The following WDR62 variants were observed in gnomAD, a reference collection of about 807,000 sequenced individuals.
WDR62 encodes WD repeat domain 62.
Under a neutral mutation model 160.6 loss-of-function variants are expected in WDR62, and 112 were observed. The observed-to-expected ratio is 0.70, with a 90% CI of 0.60 to 0.82. WDR62 has a LOEUF of 0.82. Among genes scored for constraint, WDR62 ranks in the 40% least tolerant of loss-of-function variants. The pLI, the probability that WDR62 is intolerant of heterozygous loss-of-function variation, is 0.00. For synonymous variants in WDR62, 792 were observed against 815.1 expected, an observed-to-expected ratio of 0.97 and a Z score of 0.48; for missense variants, 1,819 against 1,983.8, an observed-to-expected ratio of 0.92 and a Z score of 1.58.
chr19:36,111,136 C>A, the WDR62 span: 1 of 1,330,212 alleles, frequency 7.5e-7, no homozygotes, highest in South Asian at 1.4e-5. Flanking sequence ...CAGGGATAGT[C>A]ATCCTGGGGC....
In WDR62 at chr19:36,059,995, G is replaced by A; in HGVS notation, c.297G>A (p.Lys99=). 1 of 1,614,214 alleles carries A rather than the reference G, an allele frequency of 6.2e-7. No individual in the cohort carries two copies. The highest frequency in any genetic ancestry group is 8.5e-7 in the Non-Finnish European group (1 of 1,180,040). Residue 99 remains lysine, a synonymous_variant, in exon 3 of 32, where the codon AAG becomes AAA. Coordinates refer to ENST00000401500, the MANE Select transcript of WDR62 (RefSeq NM_001083961.2). ...GTGTGGTGGTGATTTTGGACCCCAA[G>A]GAGAACAAGCAGCAGCACATCTTTA... ...AGCVVVILDP[K]ENKQQHIFNT...
intron 23 of WDR62, 69 bp downstream of exon 23, chr19:36,100,944 A>T: frequency 6.2e-7 from 1 of 1,610,426 alleles, no homozygotes. Context: ...ATCCTGGAAG[A>T]AGTGCTCTCT....
Position 36,101,287 on chromosome 19 carries a change from G to A in WDR62, c.2941G>A (p.Asp981Asn), listed in dbSNP as rs200503894. 21 of 1,612,268 alleles carry A rather than the reference G, an allele frequency of 1.3e-5. No homozygotes were observed. Among genetic ancestry groups the A allele is most frequent in the African/African-American group, 9.3e-5 (7 of 75,036 alleles). Residue 981 changes from aspartate to asparagine, a missense_variant, in exon 24 of 32, where the codon GAC (aspartate) becomes AAC (asparagine). Physicochemically the swap from Asp to Asn is conservative, Grantham distance 23 (BLOSUM62 1). Coordinates refer to ENST00000401500, the MANE Select transcript of WDR62 (RefSeq NM_001083961.2). ...CGACTCCTACCTCAGGGTGTCCTCCGACAGCCCAAAGGACCAGAGCCCGCC... is the reference window on the plus strand; with the variant it reads ...CGACTCCTACCTCAGGGTGTCCTCCAACAGCCCAAAGGACCAGAGCCCGCC... Reference protein sequence around the residue: ...QGDSYLRVSSDSPKDQSPPED... With the variant: ...QGDSYLRVSSNSPKDQSPPED...
chr19:36,065,789 G>A (rs1371320091), intron 3 of WDR62, among the ~76,000 whole-genome samples, 169 bp from the exon 4 acceptor site: 1 of 152,202 alleles, frequency 6.6e-6, no homozygotes, highest in South Asian at 2.1e-4. Context: ...GTGCTTTGCT[G>A]GGCACACCAG....
chr19:36,078,154 T>G (rs574995303), intron 9 of WDR62, among the ~76,000 whole-genome samples: 49 of 149,890 alleles, frequency 3.3e-4, no homozygotes, highest in Non-Finnish European at 5.8e-4. Flanking sequence ...GTTTTTTTGT[T>G]TTTTTTTTTT....
downstream of WDR62, among the ~76,000 whole-genome samples, chr19:36,107,272 C>T (rs1392280139): frequency 6.6e-6 from 1 of 152,144 alleles, no homozygotes; most frequent in East Asian, 1.9e-4. Flanking sequence ...AGCAGCACAC[C>T]CTCAGGTGGT....
At chr19:36,055,697 G>T (rs1970326570) in intron 1 of WDR62, among the ~76,000 whole-genome samples, 1 of 152,214 alleles carries the variant, frequency 6.6e-6, no homozygotes, top group South Asian at 2.1e-4. Context: ...TAAAATCTCT[G>T]CAGTGCTGCC....
intron 7 of WDR62, 37 bp downstream of exon 7, chr19:36,068,047 C>CT: frequency 6.3e-7 from 1 of 1,596,218 alleles, no homozygotes; most frequent in Non-Finnish European, 8.5e-7. Context: ...TGGACAGACT[C>CT]TTTCTCGTGA....
intron 29 of WDR62, 54 bp from the exon 30 acceptor site, chr19:36,103,289 G>C: frequency 6.2e-7 from 1 of 1,612,254 alleles, no homozygotes; most frequent in East Asian, 2.2e-5. Context: ...GGGCGTGGGG[G>C]CCCTAGCCAT....
At position 36,066,643 on chromosome 19, in the gene WDR62, G is replaced by A. The variant is rs115525550; in HGVS notation, c.561+216G>A. Among the ~76,000 whole-genome samples the A allele has an allele frequency of 0.01, 1,596 of 152,344 alleles. 12 individuals carry two copies. The highest frequency in any genetic ancestry group is 0.042 in the South Asian group (201 of 4,826). ...ATACATATTTTTATATTGACCAGCT[G>A]TGACCTTAGGCAAGTGACTTAACAT... On this transcript the variant is annotated intron_variant, in intron 5 of 31. Transcript: ENST00000401500.
At chr19:36,088,379 G>C (rs1270632031) in intron 13 of WDR62, among the ~76,000 whole-genome samples, 1 of 152,200 alleles carries the variant, frequency 6.6e-6, no homozygotes, top group African/African-American at 2.4e-5. Context: ...CCTGTTCCAA[G>C]GGCTTCACAT....
chr19:36,110,479 GA>G, the WDR62 span, among the ~76,000 whole-genome samples: 310 of 150,308 alleles, frequency 2.1e-3, no homozygotes, highest in South Asian at 9.4e-3. Context: ...CTCAAAAAAA[GA>G]AAAAAAAATA....
chr19:36,078,104 G>A (rs951613500), intron 9 of WDR62, among the ~76,000 whole-genome samples: 2 of 151,662 alleles, frequency 1.3e-5, no homozygotes, highest in African/African-American at 4.8e-5. Flanking sequence ...TCTACCTTAT[G>A]GCTGTTGCGA....
At chr19:36,086,958 G>C (rs968965994) in intron 13 of WDR62, 146 bp downstream of exon 13, 3 of 1,275,754 alleles carry the variant, frequency 2.4e-6, no homozygotes, top group Non-Finnish European at 1.1e-6. Context: ...CTGGGGCCGG[G>C]TGTAATGGCT....
chr19:36,060,412 G>A (rs568406067), intron 3 of WDR62: 1 of 266,094 alleles, frequency 3.8e-6, no homozygotes, highest in South Asian at 4.8e-5. Context: ...GCGAGAGGGT[G>A]ACCCATAAGA....
chr19:36,092,961 G>A, intron 19 of WDR62, 150 bp downstream of exon 19: 1 of 1,156,174 alleles, frequency 8.6e-7, no homozygotes, highest in Non-Finnish European at 1.3e-6. Context: ...CTTTGAATAT[G>A]CAGTTACAGT....
chr19:36,090,375 C>A, intron 15 of WDR62, 70 bp from the exon 16 acceptor site: 1 of 1,488,550 alleles, frequency 6.7e-7, no homozygotes, highest in Non-Finnish European at 9.4e-7. Context: ...GGGAGGACAG[C>A]AAGAGCCAGA....
chr19:36,084,095 A>G (rs748733711), intron 11 of WDR62, among the ~76,000 whole-genome samples: 8 of 152,052 alleles, frequency 5.3e-5, no homozygotes, highest in Non-Finnish European at 1.0e-4. Flanking sequence ...CACTGTGTTG[A>G]CTGATTTAAT....
rs1333227468 is a variant in WDR62 at position 36,101,707 on chromosome 19, C to T, written c.3015C>T (p.Ala1005=). ...CCGACCTGGAGTGCAGCTTCGCAGC[C>T]ATCCACTCCCCAGCTCCGCCTCCTG... The part of the protein sequence containing the change: ...SEADLECSFA[A]IHSPAPPPDP... The change falls in exon 25 of 32, where the codon GCC becomes GCT. Residue 1005 remains alanine (A), a synonymous_variant. Transcript: ENST00000401500. The T allele has an allele frequency of 1.3e-6, 2 of 1,551,202 alleles. No homozygotes were observed. The highest frequency in any genetic ancestry group is 1.7e-6 in the Non-Finnish European group (2 of 1,147,032).
Sources: gnomAD v4.1 joint callset for allele counts (sites outside exome capture counted in the v4.1 genomes callset) on GRCh38, gnomAD v4.1.1 for gene constraint, MANE v1.5 for transcripts, NCBI Gene and HGNC (gene_info 2026-07-23, HGNC 2026-07-21) for gene names.